SLC9A2: variants seen among roughly 807,000 people sequenced by gnomAD.
The protein encoded by SLC9A2 is sodium/hydrogen exchanger 2.
In SLC9A2, 42 loss-of-function variants were observed where a neutral mutation model predicts 71.7. The observed-to-expected ratio is 0.59, with a 90% CI of 0.46 to 0.76. SLC9A2 has a LOEUF of 0.76. Ranked by LOEUF, SLC9A2 falls within the 30% of genes least tolerant of loss-of-function variation. The pLI is 0.00. For synonymous variants in SLC9A2, 396 were observed against 392.5 expected, an observed-to-expected ratio of 1.01 and a Z score of -0.10; for missense variants, 829 against 1,017.4, an observed-to-expected ratio of 0.81 and a Z score of 2.52.
At chr2:102,691,668 A>G (rs13387329) in intron 5 of SLC9A2, among the ~76,000 whole-genome samples, 11,482 of 152,298 alleles carry the variant, frequency 0.075, 1,426 homozygotes, top group African/African-American at 0.26. Context: ...GGGACTGTAT[A>G]TACAAAAACA....
At chr2:102,690,804 A>G (rs746791643) in intron 5 of SLC9A2, among the ~76,000 whole-genome samples, 1 of 152,322 alleles carries the variant, frequency 6.6e-6, no homozygotes, top group Non-Finnish European at 1.5e-5. Context: ...AAGACAGCAT[A>G]GCAGCGATAG....
At chr2:102,654,879 G>A (rs370776408) in intron 1 of SLC9A2, among the ~76,000 whole-genome samples, 4 of 152,262 alleles carry the variant, frequency 2.6e-5, no homozygotes, top group South Asian at 4.1e-4. Flanking sequence ...ACACAACAAC[G>A]ATTATTTATG....
At chr2:102,695,002 C>A in intron 6 of SLC9A2, 41 bp from the exon 7 acceptor site, 1 of 1,518,318 alleles carries the variant, frequency 6.6e-7, no homozygotes, top group Non-Finnish European at 9.1e-7. Context: ...TTATTGATTT[C>A]AGGTAAAGAC....
intron 7 of SLC9A2, among the ~76,000 whole-genome samples, chr2:102,696,049 G>C (rs1677762374): frequency 6.6e-6 from 1 of 151,682 alleles, no homozygotes; most frequent in Non-Finnish European, 1.5e-5. Flanking sequence ...CAAGAAATTT[G>C]GTTCAATTCT....
intron 2 of SLC9A2, among the ~76,000 whole-genome samples, chr2:102,664,537 C>T (rs17027648): frequency 0.015 from 2,297 of 151,698 alleles, 61 homozygotes; most frequent in African/African-American, 0.052. Context: ...GTCTCAGTTA[C>T]ACCAGACATG....
intron 11 of SLC9A2, among the ~76,000 whole-genome samples, chr2:102,706,440 G>T (rs773658110): frequency 6.6e-6 from 1 of 152,098 alleles, no homozygotes. Context: ...TCGGGGGAGT[G>T]GGGAGGGATA....
Position 102,708,620 on chromosome 2 carries a change from T to C in SLC9A2, c.*131T>C. On this transcript the variant is annotated 3_prime_UTR_variant, in exon 12 of 12. Coordinates refer to ENST00000233969, the MANE Select transcript of SLC9A2 (RefSeq NM_003048.6). ...TAAATACTTCTGGAGGGCGACAGATTCATGCCACGGATAAATGAGGCAAAT... is the reference window on the plus strand; with the variant it reads ...TAAATACTTCTGGAGGGCGACAGATCCATGCCACGGATAAATGAGGCAAAT... 6 of 1,074,602 alleles carry C rather than the reference T, an allele frequency of 5.6e-6. No individual in the cohort carries two copies. The South Asian group carries it at 1.1e-4, about 19-fold the overall frequency. The allele number at this position is 1,074,602 out of a possible 1,614,324, so 66.6% of individuals were successfully genotyped here. A position where few individuals can be genotyped will look rare whatever the true frequency, so the allele number is the denominator to read the frequency against.
chr2:102,646,298 G>A (rs1676722758), intron 1 of SLC9A2, among the ~76,000 whole-genome samples: 1 of 152,076 alleles, frequency 6.6e-6, no homozygotes, highest in Non-Finnish European at 1.5e-5. Context: ...AGCTCCTGAA[G>A]GAAGCACTAA....
At chr2:102,623,369 A>G (rs183314894) in intron 1 of SLC9A2, among the ~76,000 whole-genome samples, 1 of 151,928 alleles carries the variant, frequency 6.6e-6, no homozygotes. Context: ...TGCCTGGGGT[A>G]TTTTCTCCAG....
intron 7 of SLC9A2, among the ~76,000 whole-genome samples, chr2:102,696,619 G>A (rs1677774193): frequency 6.6e-6 from 1 of 152,142 alleles, no homozygotes; most frequent in Non-Finnish European, 1.5e-5. Context: ...ATATGGGTGT[G>A]TGAGAGAGAG....
intron 1 of SLC9A2, among the ~76,000 whole-genome samples, chr2:102,629,508 T>C (rs1222056615): frequency 6.6e-6 from 1 of 152,116 alleles, no homozygotes; most frequent in Non-Finnish European, 1.5e-5. Flanking sequence ...TTTTGCATCT[T>C]TAATTTCACA....
chr2:102,706,348 G>GAAA (rs397985354), intron 11 of SLC9A2, among the ~76,000 whole-genome samples: 1 of 17,702 alleles, frequency 5.6e-5, no homozygotes, highest in Non-Finnish European at 9.4e-5. Flanking sequence ...AAAAAAAAAA[G>GAAA]AAAAAAAAAA....
In SLC9A2 at chr2:102,677,421, G is replaced by A. The variant is rs56893901; in HGVS notation, c.1005-5840G>A. Among the ~76,000 whole-genome samples the A allele has an allele frequency of 1.1e-3, 174 of 152,200 alleles. 1 individual carries two copies. The highest frequency in any genetic ancestry group is 4.0e-3 in the African/African-American group (166 of 41,538). On this transcript the variant is annotated intron_variant, in intron 3 of 11. Coordinates refer to ENST00000233969, the MANE Select transcript of SLC9A2 (RefSeq NM_003048.6). ...GTGTAAGTGAAAACCACTAATTATA[G>A]TGCTCTCCCTTCTCTGTCTCTAAAT...
At chr2:102,693,070 TAC>T (rs940086761) in intron 5 of SLC9A2, among the ~76,000 whole-genome samples, 8 of 151,146 alleles carry the variant, frequency 5.3e-5, no homozygotes, top group Admixed American at 6.6e-5. Flanking sequence ...TATATATATA[TAC>T]ACACACACAC....
At chr2:102,626,901 A>G (rs1215446478) in intron 1 of SLC9A2, among the ~76,000 whole-genome samples, 1 of 152,212 alleles carries the variant, frequency 6.6e-6, no homozygotes, top group Non-Finnish European at 1.5e-5. Flanking sequence ...ATCCACTTTA[A>G]CAATGATAAC....
intron 9 of SLC9A2, 49 bp downstream of exon 9, chr2:102,702,551 G>T (rs1677893992): frequency 1.8e-6 from 2 of 1,133,782 alleles, no homozygotes; most frequent in Non-Finnish European, 2.6e-6. Flanking sequence ...TGGCTAACAG[G>T]ATGCCTTCTG....
At chr2:102,656,436 C>T (rs912049090) in intron 1 of SLC9A2, among the ~76,000 whole-genome samples, 1 of 152,236 alleles carries the variant, frequency 6.6e-6, no homozygotes, top group Admixed American at 6.5e-5. Flanking sequence ...ACTTCCTCTT[C>T]CTCTGTTTCC....
At chr2:102,660,287 G>T (rs1486806710) in intron 2 of SLC9A2, among the ~76,000 whole-genome samples, 1 of 152,178 alleles carries the variant, frequency 6.6e-6, no homozygotes, top group African/African-American at 2.4e-5. Flanking sequence ...GGCCCTGGCT[G>T]GTGCTTTGAG....
rs1427452169 is a variant in SLC9A2, at chr2:102,710,788, G to A, written c.*2299G>A. 1 of 152,252 alleles carries A rather than the reference G, an allele frequency of 6.6e-6. No homozygotes were observed. Among genetic ancestry groups the A allele is most frequent in the Non-Finnish European group, 1.5e-5 (1 of 68,028 alleles). The allele number at this position is 152,252 out of a possible 1,614,324, so 9.4% of individuals were successfully genotyped here. A position where few individuals can be genotyped will look rare whatever the true frequency, so the allele number is the denominator to read the frequency against. On this transcript the variant is annotated 3_prime_UTR_variant, in exon 12 of 12. Coordinates refer to ENST00000233969, the MANE Select transcript of SLC9A2 (RefSeq NM_003048.6). ...AATCTAAATTTCTGTAGTAGAGAGA[G>A]CCGTAGCCCTTTGTAAAGGCTTTCG...
Sources: gnomAD v4.1 joint callset for allele counts (sites outside exome capture counted in the v4.1 genomes callset) on GRCh38, gnomAD v4.1.1 for gene constraint, MANE v1.5 for transcripts, NCBI Gene and HGNC (gene_info 2026-07-23, HGNC 2026-07-21) for gene names.